The following SSBP2 variants were observed in gnomAD, a reference collection of about 807,000 sequenced individuals.
SSBP2 encodes single-stranded DNA-binding protein 2.
A neutral mutation model predicts 61.8 loss-of-function variants in SSBP2; 17 were observed. That is an observed-to-expected ratio of 0.28 (90% CI 0.19 to 0.41). The LOEUF is 0.41. Among genes scored for constraint, SSBP2 ranks in the 10% least tolerant of loss-of-function variants. SSBP2 has a pLI of 1.00. For synonymous variants in SSBP2, 139 were observed against 141.3 expected, an observed-to-expected ratio of 0.98 and a Z score of 0.12; for missense variants, 310 against 458.7, an observed-to-expected ratio of 0.68 and a Z score of 2.96.
chr5:81,459,075 C>T (rs1764358437), intron 10 of SSBP2, among the ~76,000 whole-genome samples: 1 of 152,170 alleles, frequency 6.6e-6, no homozygotes, highest in Non-Finnish European at 1.5e-5. Flanking sequence ...TAGTCAAATG[C>T]CCATTTCAGA....
chr5:81,628,749 GA>G, intron 3 of SSBP2, among the ~76,000 whole-genome samples: 1 of 152,230 alleles, frequency 6.6e-6, no homozygotes, highest in Admixed American at 6.5e-5. Context: ...AATCACATTA[GA>G]AACAAGGGAA....
chr5:81,423,338 TAATC>T (rs1329824380), intron 16 of SSBP2, among the ~76,000 whole-genome samples: 2 of 152,354 alleles, frequency 1.3e-5, no homozygotes, highest in South Asian at 2.1e-4. Flanking sequence ...GGCAGCTAGA[TAATC>T]AATCATTCTT....
At chr5:81,462,113 G>C (rs1315409722) in intron 9 of SSBP2, among the ~76,000 whole-genome samples, 1 of 152,104 alleles carries the variant, frequency 6.6e-6, no homozygotes, top group Non-Finnish European at 1.5e-5. Context: ...ACTGGAAGAA[G>C]AACTGTCTTG....
At chr5:81,533,273 C>T (rs535669645) in intron 4 of SSBP2, among the ~76,000 whole-genome samples, 2 of 151,608 alleles carry the variant, frequency 1.3e-5, no homozygotes, top group South Asian at 2.1e-4. Flanking sequence ...AAATACTCCT[C>T]TAAACAACAT....
At chr5:81,426,065 T>C (rs918758768) in intron 16 of SSBP2, among the ~76,000 whole-genome samples, 1 of 152,260 alleles carries the variant, frequency 6.6e-6, no homozygotes, top group South Asian at 2.1e-4. Flanking sequence ...TGTTTTCTTT[T>C]TGAATTCATT....
chr5:81,646,043 A>G (rs967522987), intron 2 of SSBP2, among the ~76,000 whole-genome samples: 1 of 152,224 alleles, frequency 6.6e-6, no homozygotes, highest in Non-Finnish European at 1.5e-5. Flanking sequence ...ATAGCCCAGG[A>G]CAAGGGCATT....
chr5:81,447,730 A>G (rs1763495148), intron 11 of SSBP2, among the ~76,000 whole-genome samples: 1 of 152,198 alleles, frequency 6.6e-6, no homozygotes, highest in Non-Finnish European at 1.5e-5. Flanking sequence ...ATTTCAAATA[A>G]TATCTGTATT....
chr5:81,545,539 C>A (rs945911092), intron 4 of SSBP2, among the ~76,000 whole-genome samples: 1 of 152,142 alleles, frequency 6.6e-6, no homozygotes, highest in African/African-American at 2.4e-5. Flanking sequence ...AAGCTGTTAA[C>A]AAACCAAGTT....
chr5:81,420,413 T>G lies in SSBP2; in HGVS notation c.*91A>C. 1 of 1,270,596 alleles carries G rather than the reference T, an allele frequency of 7.9e-7. No homozygotes were observed. The highest frequency in any genetic ancestry group is 1.1e-6 in the Non-Finnish European group (1 of 873,562). 78.7% of individuals were successfully genotyped at this position (1,270,596 alleles called of 1,614,324 possible). On this transcript the variant is annotated 3_prime_UTR_variant, in exon 17 of 17. Transcript: ENST00000320672. ...TTGGTGTGACTGAGATTCCTTTGTT[T>G]AACTGTACACTGTGATGAATAATTT...
chr5:81,750,252 C>T (rs1757643482), intron 1 of SSBP2, among the ~76,000 whole-genome samples: 1 of 147,048 alleles, frequency 6.8e-6, no homozygotes, highest in Admixed American at 6.7e-5. Context: ...CCCGCCCCCG[C>T]CCCAGCCCCA....
At chr5:81,537,474 A>C (rs550953045) in intron 4 of SSBP2, among the ~76,000 whole-genome samples, 2 of 152,170 alleles carry the variant, frequency 1.3e-5, no homozygotes, top group Non-Finnish European at 2.9e-5. Context: ...ACCCATCATC[A>C]CTGAATAGAG....
chr5:81,480,584 C>A (rs1284429202), intron 6 of SSBP2, among the ~76,000 whole-genome samples: 1 of 152,130 alleles, frequency 6.6e-6, no homozygotes, highest in Non-Finnish European at 1.5e-5. Flanking sequence ...ATGGCAATTT[C>A]TTTTAAAGAC....
intron 6 of SSBP2, among the ~76,000 whole-genome samples, chr5:81,479,076 A>G (rs1435510463): frequency 1.3e-5 from 2 of 152,206 alleles, no homozygotes; most frequent in Admixed American, 6.5e-5. Context: ...CTTTTAGAAT[A>G]AGTCAAGTCT....
chr5:81,590,864 GGAA>G (rs1775445671), intron 4 of SSBP2, among the ~76,000 whole-genome samples: 1 of 152,110 alleles, frequency 6.6e-6, no homozygotes, highest in African/African-American at 2.4e-5. Flanking sequence ...CCAGCCCTGG[GGAA>G]GAAGTAGGAA....
chr5:81,647,680 G>C (rs1049712527), intron 2 of SSBP2, among the ~76,000 whole-genome samples: 4 of 151,972 alleles, frequency 2.6e-5, no homozygotes, highest in African/African-American at 9.7e-5. Flanking sequence ...GTGAAAGTGA[G>C]GTAGACTAAT....
At chr5:81,522,383 C>T (rs1349323344) in intron 4 of SSBP2, among the ~76,000 whole-genome samples, 1 of 151,822 alleles carries the variant, frequency 6.6e-6, no homozygotes, top group Non-Finnish European at 1.5e-5. Flanking sequence ...AGTAACGTAC[C>T]TGAGTGATTT....
chr5:81,701,613 G>C (rs1753988124), intron 1 of SSBP2, among the ~76,000 whole-genome samples: 1 of 152,184 alleles, frequency 6.6e-6, no homozygotes, highest in Non-Finnish European at 1.5e-5. Context: ...CACTAAAGAT[G>C]TCTCAAATAA....
chr5:81,648,928 TTAA>T (rs1452482133), intron 2 of SSBP2, among the ~76,000 whole-genome samples: 2 of 152,076 alleles, frequency 1.3e-5, no homozygotes, highest in African/African-American at 2.4e-5. Context: ...TTTAAAATTA[TTAA>T]TATTTTATAT....
In SSBP2 at chr5:81,455,355, C is replaced by T. The variant is rs1175610716; in HGVS notation, c.687+5700G>A. On this transcript the variant is annotated intron_variant, in intron 10 of 16. Transcript: ENST00000320672. Reference sequence around the variant, plus strand: ...TCCTTCTAGGCCGGGCGCGGTGGCTCACGCCTGTAATCCCAGCACTTTGGG... The same window carrying T: ...TCCTTCTAGGCCGGGCGCGGTGGCTTACGCCTGTAATCCCAGCACTTTGGG... Among the ~76,000 whole-genome samples the T allele has an allele frequency of 3.7e-5, 2 of 53,572 alleles. 1 individual carries two copies. The highest frequency in any genetic ancestry group is 5.7e-4 in the East Asian group (2 of 3,494). The allele number at this position is 53,572 out of a possible 152,430, so 35.1% of individuals were successfully genotyped here. A position where few individuals can be genotyped will look rare whatever the true frequency, so the allele number is the denominator to read the frequency against.
Sources: allele counts gnomAD v4.1 joint callset (sites outside exome capture counted in the v4.1 genomes callset), GRCh38; gene constraint gnomAD v4.1.1; transcripts MANE v1.5; gene names NCBI Gene and HGNC (gene_info 2026-07-23, HGNC 2026-07-21).